Variants in LUZP1 observed in about 807,000 individuals in gnomAD.
LUZP1 encodes the protein leucine zipper protein 1, also known as filamin mechanobinding actin cross-linking protein.
Under a neutral mutation model 71.3 loss-of-function variants are expected in LUZP1, and 25 were observed. The ratio of observed to expected loss-of-function variants is 0.35; its 90% CI spans 0.26 to 0.49. The LOEUF (loss-of-function observed/expected upper bound fraction) is 0.49. Ranked by LOEUF, LUZP1 falls within the 20% of genes least tolerant of loss-of-function variation. LUZP1 has a pLI of 0.99. For missense variants in LUZP1, 1,142 were observed against 1,300.8 expected (o/e 0.88, Z 1.88); for synonymous variants, 481 against 506.4 (o/e 0.95, Z 0.67).
intron 2 of LUZP1, among the ~76,000 whole-genome samples, chr1:23,161,545 G>A (rs1644466200): frequency 6.6e-6 from 1 of 152,140 alleles, no homozygotes; most frequent in Non-Finnish European, 1.5e-5. Context: ...CTTGAGGCCA[G>A]GAGTTTGAGA....
intron 2 of LUZP1, among the ~76,000 whole-genome samples, chr1:23,149,239 GGAGA>G (rs1258637193): frequency 6.6e-6 from 1 of 152,040 alleles, no homozygotes; most frequent in Non-Finnish European, 1.5e-5. Flanking sequence ...GCAGGACTGA[GGAGA>G]GAGGAAGAGA....
chr1:23,105,007 T>C (rs1047852693), intron 3 of LUZP1, among the ~76,000 whole-genome samples: 1 of 152,342 alleles, frequency 6.6e-6, no homozygotes, highest in African/African-American at 2.4e-5. Context: ...TACCACTGTA[T>C]AGTCCCTCCA....
chr1:23,152,633 C>T (rs929474658), intron 2 of LUZP1, among the ~76,000 whole-genome samples: 2 of 152,040 alleles, frequency 1.3e-5, no homozygotes, highest in African/African-American at 4.8e-5. Flanking sequence ...TGGGTTCAAG[C>T]GATTCTCCTG....
intron 2 of LUZP1, among the ~76,000 whole-genome samples, chr1:23,146,372 G>A (rs569152191): frequency 5.3e-5 from 8 of 152,246 alleles, no homozygotes; most frequent in East Asian, 1.9e-4. Context: ...AAATTTATGC[G>A]GAACATAGGC....
intron 2 of LUZP1, among the ~76,000 whole-genome samples, chr1:23,137,869 T>C (rs1156811376): frequency 3.3e-5 from 5 of 152,132 alleles, no homozygotes; most frequent in Admixed American, 6.6e-5. Flanking sequence ...TCCCCAAAAA[T>C]GAAAACTTAT....
At chr1:23,128,413 C>G (rs949171997) in intron 2 of LUZP1, among the ~76,000 whole-genome samples, 11 of 152,274 alleles carry the variant, frequency 7.2e-5, no homozygotes, top group Admixed American at 6.5e-4. Context: ...GCCTCCCCAT[C>G]TAACAATCAT....
At chr1:23,087,358 C>T (rs1643781374) in exon 5 of LUZP1, 1 of 152,178 alleles carries the variant, frequency 6.6e-6, no homozygotes, top group Non-Finnish European at 1.5e-5. Flanking sequence ...CAAAAATCAT[C>T]CCATACTATT....
At chr1:23,103,839 AGAGGGAGGGAGGGAGGGAGGGAGGGAGG>A (rs1167440929) in intron 3 of LUZP1, among the ~76,000 whole-genome samples, 2 of 15,562 alleles carry the variant, frequency 1.3e-4, no homozygotes, top group African/African-American at 3.4e-4. Flanking sequence ...AGAGAGGGAG[AGAGGGAGGGAGGGAGGGAGGGAGGGAGG>A]GAGGGAGGGA....
At chr1:23,161,626 G>T (rs914693521) in intron 2 of LUZP1, among the ~76,000 whole-genome samples, 1 of 152,152 alleles carries the variant, frequency 6.6e-6, no homozygotes, top group Non-Finnish European at 1.5e-5. Flanking sequence ...TAAGAAGTTA[G>T]CGTAACAGAG....
At chr1:23,118,066 G>A (rs576495188) in intron 2 of LUZP1, among the ~76,000 whole-genome samples, 133 of 151,900 alleles carry the variant, frequency 8.8e-4, no homozygotes, top group African/African-American at 3.0e-3. Flanking sequence ...CTCCACCCTG[G>A]GCGACAGAGC....
chr1:23,124,129 C>G (rs1417508259), intron 2 of LUZP1, among the ~76,000 whole-genome samples: 1 of 152,162 alleles, frequency 6.6e-6, no homozygotes, highest in East Asian at 1.9e-4. Context: ...AATGCAGAAT[C>G]ATGCTGTGAG....
chr1:23,133,986 G>A (rs1305217187), intron 2 of LUZP1, among the ~76,000 whole-genome samples: 1 of 152,140 alleles, frequency 6.6e-6, no homozygotes, highest in Admixed American at 6.6e-5. Context: ...TGTTATTAAA[G>A]ATATACACAC....
intron 2 of LUZP1, among the ~76,000 whole-genome samples, chr1:23,117,519 C>G (rs57019060): frequency 0.19 from 5,986 of 30,922 alleles, 668 homozygotes; most frequent in East Asian, 0.38. Context: ...GGGGGGGGGG[C>G]GGGGGGGGGG....
chr1:23,140,141 T>A (rs1050443010), intron 2 of LUZP1, among the ~76,000 whole-genome samples: 17 of 151,954 alleles, frequency 1.1e-4, no homozygotes, highest in Admixed American at 2.6e-4. Context: ...AGCCTTGCCA[T>A]TCCTCTTGGT....
At chr1:23,154,945 G>A (rs1340064353) in intron 2 of LUZP1, among the ~76,000 whole-genome samples, 1 of 151,828 alleles carries the variant, frequency 6.6e-6, no homozygotes, top group African/African-American at 2.4e-5. Context: ...TTAAGATTCT[G>A]GTAGTCACTT....
At chr1:23,092,688 C>T (rs768144995) in exon 4 of LUZP1, 2 of 1,614,012 alleles carry the variant, frequency 1.2e-6, no homozygotes, top group South Asian at 2.2e-5. Flanking sequence ...GTCAGCTCTA[C>T]CCAATGGGTC....
intron 2 of LUZP1, among the ~76,000 whole-genome samples, chr1:23,144,012 A>C (rs1644324597): frequency 6.6e-6 from 1 of 152,170 alleles, no homozygotes; most frequent in South Asian, 2.1e-4. Flanking sequence ...TGATTGTTAT[A>C]CTCTCTGCAT....
chr1:23,126,390 G>A (rs1368494967), intron 2 of LUZP1, among the ~76,000 whole-genome samples: 2 of 152,294 alleles, frequency 1.3e-5, no homozygotes, highest in East Asian at 3.9e-4. Context: ...GGATAAGGCA[G>A]GAGGATCAGC....
At chr1:23,166,999 A>G (rs755951251) in intron 2 of LUZP1, among the ~76,000 whole-genome samples, 1 of 152,152 alleles carries the variant, frequency 6.6e-6, no homozygotes, top group Non-Finnish European at 1.5e-5. Context: ...AAACCTGGAA[A>G]ATTCTTCTAG....
Sources: gnomAD v4.1 joint callset for allele counts (sites outside exome capture counted in the v4.1 genomes callset) on GRCh38, gnomAD v4.1.1 for gene constraint, MANE v1.5 for transcripts, NCBI Gene and HGNC (gene_info 2026-07-23, HGNC 2026-07-21) for gene names.